GNG7: variants seen among roughly 807,000 people sequenced by gnomAD.
GNG7 encodes G protein subunit gamma 7.
Under a neutral mutation model 4.0 loss-of-function variants are expected in GNG7, and 1 was observed. The ratio of observed to expected loss-of-function variants is 0.25; its 90% CI spans 0.09 to 1.18. The LOEUF is 1.18. Ranked by LOEUF, GNG7 falls within the 50% of genes most tolerant of loss-of-function variation. The pLI, the probability that GNG7 is intolerant of heterozygous loss-of-function variation, is 0.50. For missense variants in GNG7, 86 were observed against 91.9 expected, an observed-to-expected ratio of 0.94 and a Z score of 0.26; for synonymous variants, 34 against 36.9, an observed-to-expected ratio of 0.92 and a Z score of 0.29.
intron 1 of GNG7, among the ~76,000 whole-genome samples, chr19:2,682,970 C>G (rs1049480904): frequency 1.5e-4 from 23 of 152,004 alleles, no homozygotes; most frequent in African/African-American, 5.3e-4. Context: ...CGGTGGCTCA[C>G]GCCTGTAATC....
At chr19:2,547,135 G>A (rs886435308) in intron 3 of GNG7, among the ~76,000 whole-genome samples, 3 of 149,008 alleles carry the variant, frequency 2.0e-5, no homozygotes, top group Middle Eastern at 3.5e-3. Flanking sequence ...TCCCCTCTGA[G>A]AAGCCCCTGA....
intron 2 of GNG7, among the ~76,000 whole-genome samples, chr19:2,628,235 A>G (rs1197902965): frequency 6.6e-6 from 1 of 152,202 alleles, no homozygotes; most frequent in African/African-American, 2.4e-5. Context: ...GAGTCTTATA[A>G]GCCTAAAATC....
chr19:2,598,677 AAATAATAATAATAATAAT>A (rs56068932), intron 2 of GNG7, among the ~76,000 whole-genome samples: 61 of 141,004 alleles, frequency 4.3e-4, no homozygotes, highest in Non-Finnish European at 6.3e-4. Context: ...AAAAGTAATA[AAATAATAATAATAATAAT>A]AATAATAATA....
intron 3 of GNG7, among the ~76,000 whole-genome samples, chr19:2,535,994 G>A (rs1405869690): frequency 6.6e-6 from 1 of 152,066 alleles, no homozygotes; most frequent in East Asian, 1.9e-4. Context: ...GTGTGGTGGT[G>A]TGTGCCTATA....
At chr19:2,605,847 T>C (rs1475877219) in intron 2 of GNG7, among the ~76,000 whole-genome samples, 1 of 152,116 alleles carries the variant, frequency 6.6e-6, no homozygotes, top group Non-Finnish European at 1.5e-5. Flanking sequence ...TGTAATTGTT[T>C]AGGGTCCACC....
chr19:2,654,086 G>A (rs1400625224), intron 1 of GNG7, among the ~76,000 whole-genome samples: 2 of 152,160 alleles, frequency 1.3e-5, no homozygotes, highest in Non-Finnish European at 2.9e-5. Flanking sequence ...GCATATGCAC[G>A]AGGGGGTGAG....
intron 1 of GNG7, among the ~76,000 whole-genome samples, chr19:2,686,546 T>TGGGATCCCGGCCAATCCCC (rs1241176761): frequency 6.6e-6 from 1 of 152,078 alleles, no homozygotes; most frequent in African/African-American, 2.4e-5. Context: ...TCTCCAGCAC[T>TGGGATCCCGGCCAATCCCC]GGGATCCCGG....
chr19:2,685,809 C>T (rs948046512), intron 1 of GNG7, among the ~76,000 whole-genome samples: 20 of 152,064 alleles, frequency 1.3e-4, no homozygotes, highest in African/African-American at 3.6e-4. Context: ...GGGCAGGGGA[C>T]GGCCTTGAAC....
chr19:2,666,976 C>T (rs1473204025), intron 1 of GNG7, among the ~76,000 whole-genome samples: 2 of 152,208 alleles, frequency 1.3e-5, no homozygotes, highest in South Asian at 2.1e-4. Context: ...GATTCACCTC[C>T]GATCCTCAAC....
intron 1 of GNG7, among the ~76,000 whole-genome samples, chr19:2,693,923 T>G (rs1055841819): frequency 1.3e-5 from 2 of 152,072 alleles, no homozygotes; most frequent in African/African-American, 4.8e-5. Context: ...GAGGTCGAGG[T>G]CCCTGTCTTC....
intron 2 of GNG7, among the ~76,000 whole-genome samples, chr19:2,622,188 T>A (rs1035151316): frequency 1.1e-4 from 16 of 152,096 alleles, no homozygotes; most frequent in African/African-American, 3.4e-4. Context: ...CACGCCATTC[T>A]CCTGCCTCAG....
chr19:2,592,227 C>T (rs73526808), intron 2 of GNG7, among the ~76,000 whole-genome samples: 9,174 of 152,092 alleles, frequency 0.06, 897 homozygotes, highest in African/African-American at 0.21. Context: ...TACACAAGAA[C>T]GCGCTAACTA....
intron 2 of GNG7, among the ~76,000 whole-genome samples, chr19:2,563,528 G>T (rs1471325802): frequency 6.6e-6 from 1 of 152,084 alleles, no homozygotes; most frequent in Non-Finnish European, 1.5e-5. Context: ...CGCCCAGGCT[G>T]GAGTGCAGTG....
intron 3 of GNG7, among the ~76,000 whole-genome samples, chr19:2,536,476 T>C (rs1375218263): frequency 6.6e-6 from 1 of 151,982 alleles, no homozygotes; most frequent in Non-Finnish European, 1.5e-5. Flanking sequence ...TTTTTGAAAC[T>C]GAAGCCACAT....
At chr19:2,554,850 T>A (rs1979498571) in intron 3 of GNG7, among the ~76,000 whole-genome samples, 1 of 152,194 alleles carries the variant, frequency 6.6e-6, no homozygotes. Context: ...CCACTGCACC[T>A]GGCTATTTTT....
At chr19:2,615,127 C>T (rs374827366) in intron 2 of GNG7, among the ~76,000 whole-genome samples, 4 of 151,680 alleles carry the variant, frequency 2.6e-5, no homozygotes, top group South Asian at 2.1e-4. Flanking sequence ...GGGTACTGGG[C>T]GGCCACTGTC....
chr19:2,562,305 A>G (rs2144770472), intron 2 of GNG7, among the ~76,000 whole-genome samples: 1 of 149,318 alleles, frequency 6.7e-6, no homozygotes, highest in East Asian at 2.0e-4. Flanking sequence ...TTTTTTTGAG[A>G]CAGAGTCTGG....
At chr19:2,545,624 C>T (rs1979099795) in intron 3 of GNG7, among the ~76,000 whole-genome samples, 2 of 141,892 alleles carry the variant, frequency 1.4e-5, no homozygotes, top group Admixed American at 1.5e-4. Context: ...ATACTCCAGC[C>T]TAAGCAACAA....
At chr19:2,677,038 C>T (rs1290132318) in intron 1 of GNG7, among the ~76,000 whole-genome samples, 2 of 151,866 alleles carry the variant, frequency 1.3e-5, no homozygotes, top group Admixed American at 1.3e-4. Context: ...AAAGGGACTC[C>T]ATATCTTTAC....
Sources: allele counts gnomAD v4.1 joint callset (sites outside exome capture counted in the v4.1 genomes callset), GRCh38; gene constraint gnomAD v4.1.1; transcripts MANE v1.5; gene names NCBI Gene and HGNC (gene_info 2026-07-23, HGNC 2026-07-21).